SPOCK1: variants seen among roughly 807,000 people sequenced by gnomAD.
SPOCK1 encodes testican-1.
In SPOCK1, 23 loss-of-function variants were observed where a neutral mutation model predicts 55.3. The observed-to-expected ratio is 0.42, with a 90% CI of 0.30 to 0.59. The LOEUF (loss-of-function observed/expected upper bound fraction) is 0.59, where lower values mean the gene tolerates loss of function less well. Ranked by LOEUF, SPOCK1 falls within the 20% of genes least tolerant of loss-of-function variation. The probability of loss-of-function intolerance (pLI) is 0.22; values close to 1 mark genes in which losing one functional copy is unlikely to be tolerated. For synonymous variants in SPOCK1, 226 were observed against 221.0 expected (o/e 1.02, Z -0.20); for missense variants, 499 against 552.5 (o/e 0.90, Z 0.97).
intron 2 of SPOCK1, among the ~76,000 whole-genome samples, chr5:137,402,727 G>A (rs1036129170): frequency 2.0e-5 from 3 of 152,156 alleles, no homozygotes; most frequent in African/African-American, 7.2e-5. Flanking sequence ...GAAAATATCT[G>A]AACCCAAAAT....
intron 2 of SPOCK1, among the ~76,000 whole-genome samples, chr5:137,358,448 G>C (rs1253891802): frequency 8.4e-6 from 1 of 118,862 alleles, no homozygotes; most frequent in African/African-American, 3.0e-5. Context: ...GAGGGAGGGA[G>C]GGAGGGAAGG....
chr5:137,401,121 C>A (rs1751967603), intron 2 of SPOCK1, among the ~76,000 whole-genome samples: 1 of 152,122 alleles, frequency 6.6e-6, no homozygotes, highest in Admixed American at 6.5e-5. Flanking sequence ...GGGGTCATCC[C>A]TGATGGTTCC....
chr5:136,983,672 G>A (rs972485963), intron 9 of SPOCK1, among the ~76,000 whole-genome samples: 1 of 151,460 alleles, frequency 6.6e-6, no homozygotes, highest in Non-Finnish European at 1.5e-5. Flanking sequence ...AGCAGGTGCT[G>A]CTCTAAAACT....
chr5:137,198,805 T>C (rs1755353707), intron 3 of SPOCK1, among the ~76,000 whole-genome samples: 2 of 152,220 alleles, frequency 1.3e-5, no homozygotes, highest in Non-Finnish European at 2.9e-5. Context: ...TATGGTTAGA[T>C]GAAAACTCAA....
At chr5:137,112,405 T>C (rs1483746487) in intron 5 of SPOCK1, 30 bp downstream of exon 5, 1 of 1,606,738 alleles carries the variant, frequency 6.2e-7, no homozygotes, top group Non-Finnish European at 8.5e-7. Flanking sequence ...TGAAGTATTT[T>C]TGATAACATA....
intron 2 of SPOCK1, among the ~76,000 whole-genome samples, chr5:137,299,619 T>C (rs954494797): frequency 3.3e-5 from 5 of 152,096 alleles, no homozygotes; most frequent in Non-Finnish European, 7.4e-5. Flanking sequence ...TATCTGAAAA[T>C]ATTTTACCTT....
intron 2 of SPOCK1, among the ~76,000 whole-genome samples, chr5:137,408,235 C>T (rs1752140473): frequency 6.6e-6 from 1 of 152,146 alleles, no homozygotes; most frequent in Admixed American, 6.5e-5. Flanking sequence ...CCTGACACTC[C>T]CCATATATTA....
chr5:137,189,663 C>A (rs1755139343), intron 3 of SPOCK1, among the ~76,000 whole-genome samples: 1 of 152,118 alleles, frequency 6.6e-6, no homozygotes, highest in Non-Finnish European at 1.5e-5. Context: ...ATACAACACC[C>A]TTTTTGTAGG....
At chr5:137,497,704 G>A (rs920563023) in intron 2 of SPOCK1, among the ~76,000 whole-genome samples, 3 of 152,150 alleles carry the variant, frequency 2.0e-5, no homozygotes, top group African/African-American at 7.2e-5. Flanking sequence ...TCCCACGGAG[G>A]AGCAATGCTC....
intron 3 of SPOCK1, among the ~76,000 whole-genome samples, chr5:137,222,126 A>G (rs1755867891): frequency 6.6e-6 from 1 of 152,214 alleles, no homozygotes; most frequent in Non-Finnish European, 1.5e-5. Context: ...TGTCACATAC[A>G]TACGCCATCA....
chr5:137,422,893 G>A (rs1484961975), intron 2 of SPOCK1, among the ~76,000 whole-genome samples: 1 of 152,174 alleles, frequency 6.6e-6, no homozygotes, highest in African/African-American at 2.4e-5. Flanking sequence ...TTTCTGCTCT[G>A]TTTTTTCCCC....
chr5:137,448,116 C>T (rs1354972382), intron 2 of SPOCK1, among the ~76,000 whole-genome samples: 2 of 152,176 alleles, frequency 1.3e-5, no homozygotes, highest in East Asian at 3.9e-4. Context: ...GGCTTGGTGG[C>T]AGGCACCTGT....
chr5:137,357,028 T>C (rs1750833921), intron 2 of SPOCK1, among the ~76,000 whole-genome samples: 1 of 151,142 alleles, frequency 6.6e-6, no homozygotes, highest in African/African-American at 2.4e-5. Context: ...GTTGGCCTAC[T>C]GCTGACCTGG....
intron 3 of SPOCK1, among the ~76,000 whole-genome samples, chr5:137,236,229 C>T (rs1756177877): frequency 6.6e-6 from 1 of 152,254 alleles, no homozygotes; most frequent in African/African-American, 2.4e-5. Flanking sequence ...TGAGGGCCCT[C>T]TAGGCCCAGG....
intron 2 of SPOCK1, among the ~76,000 whole-genome samples, chr5:137,348,944 G>A (rs555767132): frequency 1.2e-4 from 19 of 152,156 alleles, no homozygotes; most frequent in African/African-American, 2.9e-4. Context: ...GCCCTAAGCC[G>A]TCCAACAAGC....
Position 137,498,468 on chromosome 5 carries a change from C to T in SPOCK1, c.91G>A (p.Ala31Thr). 3 of 1,606,402 alleles carry T rather than the reference C, an allele frequency of 1.9e-6. No homozygotes were observed. The highest frequency in any genetic ancestry group is 2.5e-6 in the Non-Finnish European group (3 of 1,177,784). The change falls in exon 2 of 11, where the codon GCG (alanine) becomes ACG (threonine). Residue 31 changes from alanine (A) to threonine (T), a missense_variant. By Grantham distance (58) the Ala-to-Thr change is moderately conservative. This residue lies in a region of SPOCK1 where 386 missense variants were observed against 400.6 expected (regional missense o/e 0.96). Coordinates refer to ENST00000394945, the MANE Select transcript of SPOCK1 (RefSeq NM_004598.4). The stretch of plus-strand genomic sequence containing the variant: ...AGGAAATTGCCGTGGTTGGGGCCCG[C>T]GCCTCCGGCGAGCGCGTCCAGGTGC... ...SRHLDALAGGAGPNHGNFLDN... is the reference protein window; with the variant it reads ...SRHLDALAGGTGPNHGNFLDN...
chr5:137,237,588 CAT>C (rs1219471724), intron 3 of SPOCK1, among the ~76,000 whole-genome samples: 7 of 152,218 alleles, frequency 4.6e-5, no homozygotes, highest in African/African-American at 1.7e-4. Context: ...GTAAACAAGA[CAT>C]GTGGTGTTAA....
chr5:137,429,253 T>C (rs1752695564), intron 2 of SPOCK1, among the ~76,000 whole-genome samples: 1 of 152,172 alleles, frequency 6.6e-6, no homozygotes, highest in Admixed American at 6.5e-5. Flanking sequence ...CCCCTTGGGA[T>C]CACATATCCC....
At chr5:137,396,957 TA>T (rs1361906914) in intron 2 of SPOCK1, among the ~76,000 whole-genome samples, 1 of 152,128 alleles carries the variant, frequency 6.6e-6, no homozygotes, top group Non-Finnish European at 1.5e-5. Flanking sequence ...TTTGAATGCT[TA>T]AAAAAACTTT....
Sources: gnomAD v4.1 joint callset for allele counts (sites outside exome capture counted in the v4.1 genomes callset) on GRCh38, gnomAD v4.1.1 for gene constraint, gnomAD v4.1.1 regional missense constraint, MANE v1.5 for transcripts, NCBI Gene and HGNC (gene_info 2026-07-23, HGNC 2026-07-21) for gene names.